SYT9: variants seen among roughly 807,000 people sequenced by gnomAD.
SYT9 encodes the protein synaptotagmin-9.
Under a neutral mutation model 48.4 loss-of-function variants are expected in SYT9, and 22 were observed. That is an observed-to-expected ratio of 0.45 (90% confidence interval 0.32 to 0.65). The LOEUF (loss-of-function observed/expected upper bound fraction) is 0.65, where lower values mean the gene tolerates loss of function less well. Among genes scored for constraint, SYT9 ranks in the 30% least tolerant of loss-of-function variants. The pLI, the probability that SYT9 is intolerant of heterozygous loss-of-function variation, is 0.03. For synonymous variants in SYT9, 265 were observed against 245.0 expected (o/e 1.08, Z -0.76); for missense variants, 577 against 622.0 (o/e 0.93, Z 0.77).
At position 7,385,354 on chromosome 11, in the gene SYT9, G is replaced by T. The variant is rs145169429; in HGVS notation, c.1045-30688G>T. ...TTTTGTTTGCTCTGTGTGTGTGTGT[G>T]TGTGTGTGTGTGTGTGCGTGTGTGT... On this transcript the variant is annotated intron_variant, in intron 3 of 6. Coordinates refer to ENST00000318881, the MANE Select transcript of SYT9 (RefSeq NM_175733.4). Among the ~76,000 whole-genome samples, 25 of 150,264 alleles carry T rather than the reference G, an allele frequency of 1.7e-4. No individual in the cohort carries two copies. The East Asian group carries it at 4.7e-3, about 28-fold the overall frequency.
chr11:7,436,859 C>T (rs1185880677), intron 6 of SYT9, among the ~76,000 whole-genome samples: 4 of 152,184 alleles, frequency 2.6e-5, no homozygotes, highest in African/African-American at 4.8e-5. Flanking sequence ...AATTACAGCT[C>T]AGCCACTTCG....
rs1359676066 is a variant in SYT9, at chr11:7,252,436, G to A, written c.145+105G>A. The stretch of plus-strand genomic sequence containing the variant: ...ACAGCGACGCGGACTGGGAGAGGGC[G>A]GGGGGCGGCCACCGAGCCAGGAGAG... On this transcript the variant is annotated intron_variant, in intron 1 of 6. Coordinates refer to ENST00000318881, the MANE Select transcript of SYT9 (RefSeq NM_175733.4). The surrounding 1 kb of genome is among the most constrained non-coding windows in gnomAD (Gnocchi z 6.3). 1.0e-5 allele frequency: 13 copies of A among 1,245,572 alleles called. No individual in the cohort carries two copies. Among genetic ancestry groups the A allele is most frequent in the Non-Finnish European group, 1.2e-5 (12 of 969,776 alleles). 77.2% of individuals were successfully genotyped at this position (1,245,572 alleles called of 1,614,324 possible). A position where few individuals can be genotyped will look rare whatever the true frequency, so the allele number is the denominator to read the frequency against.
intron 1 of SYT9, among the ~76,000 whole-genome samples, chr11:7,288,819 T>C (rs1453803158): frequency 2.0e-5 from 3 of 152,238 alleles, no homozygotes; most frequent in Non-Finnish European, 4.4e-5. Flanking sequence ...TCTTCCACTC[T>C]TTCAGGTGTG....
chr11:7,357,833 C>T (rs1872899), intron 3 of SYT9, among the ~76,000 whole-genome samples: 89,743 of 151,906 alleles, frequency 0.59, 27,472 homozygotes, highest in East Asian at 0.78. Flanking sequence ...ATTTTAAAAA[C>T]TGCATTGCAT....
chr11:7,450,647 T>C (rs7942332), intron 6 of SYT9, among the ~76,000 whole-genome samples: 24,897 of 152,238 alleles, frequency 0.16, 2,422 homozygotes, highest in African/African-American at 0.25. Flanking sequence ...CAAGCTTATT[T>C]GGGTCCAAAT....
intron 2 of SYT9, among the ~76,000 whole-genome samples, chr11:7,306,945 A>G (rs1849044035): frequency 6.6e-6 from 1 of 152,202 alleles, no homozygotes; most frequent in South Asian, 2.1e-4. Flanking sequence ...TTTTTCCATG[A>G]ATGACTGACA....
chr11:7,278,780 T>C (rs181704091), intron 1 of SYT9, among the ~76,000 whole-genome samples: 495 of 152,202 alleles, frequency 3.3e-3, no homozygotes, highest in Non-Finnish European at 5.1e-3. Context: ...TTCTTACAAG[T>C]GGAGAAGAAG....
chr11:7,336,747 T>C (rs1291626203), intron 3 of SYT9, among the ~76,000 whole-genome samples: 4 of 152,174 alleles, frequency 2.6e-5, no homozygotes, highest in Non-Finnish European at 5.9e-5. Context: ...ACTGTAGCCC[T>C]GTAGTAACAG....
intron 3 of SYT9, among the ~76,000 whole-genome samples, chr11:7,350,922 ACT>A (rs766601588): frequency 2.6e-5 from 4 of 152,160 alleles, no homozygotes; most frequent in Non-Finnish European, 5.9e-5. Context: ...CCCATTGCTC[ACT>A]CTCAACCTAT....
intron 1 of SYT9, among the ~76,000 whole-genome samples, chr11:7,267,091 A>G (rs1394154588): frequency 1.3e-5 from 2 of 152,118 alleles, no homozygotes; most frequent in Non-Finnish European, 2.9e-5. Flanking sequence ...TTAGGTTCAT[A>G]AATAGTACAA....
rs543722426 is a variant in SYT9, at chr11:7,453,054, T to G, written c.1468-13738T>G. ...GCCTCGGCCTCCCAAAGTGCTGGGA[T>G]TACAGGTGTGAGCCACCGCGCCCGG... On this transcript the variant is annotated intron_variant, in intron 6 of 6. Coordinates refer to ENST00000318881, the MANE Select transcript of SYT9 (RefSeq NM_175733.4). Among the ~76,000 whole-genome samples the G allele has an allele frequency of 1.8e-3, 268 of 151,794 alleles. 1 individual carries two copies. The highest frequency in any genetic ancestry group is 6.2e-3 in the African/African-American group (255 of 41,454).
At chr11:7,346,651 A>G (rs1296758993) in intron 3 of SYT9, among the ~76,000 whole-genome samples, 1 of 152,214 alleles carries the variant, frequency 6.6e-6, no homozygotes, top group African/African-American at 2.4e-5. Flanking sequence ...TAGTAACTAC[A>G]AAATCAGTCT....
intron 3 of SYT9, among the ~76,000 whole-genome samples, chr11:7,415,178 GCAGGGCCACCT>G (rs1482134827): frequency 1.3e-5 from 2 of 152,182 alleles, no homozygotes; most frequent in African/African-American, 4.8e-5. Flanking sequence ...AAGGCAGGCA[GCAGGGCCACCT>G]GGGGGTCTGG....
At chr11:7,288,626 AT>A (rs555006487) in intron 1 of SYT9, among the ~76,000 whole-genome samples, 23 of 150,698 alleles carry the variant, frequency 1.5e-4, no homozygotes, top group Admixed American at 7.3e-4. Context: ...AAAATGAGCC[AT>A]TTTTTTTGGC....
At chr11:7,436,175 G>A (rs575411111) in intron 6 of SYT9, among the ~76,000 whole-genome samples, 13 of 152,330 alleles carry the variant, frequency 8.5e-5, no homozygotes, top group African/African-American at 2.9e-4. Flanking sequence ...TCCATGCTAA[G>A]AGAACATTAG....
At chr11:7,302,274 G>A (rs954235563) in intron 1 of SYT9, among the ~76,000 whole-genome samples, 4 of 152,174 alleles carry the variant, frequency 2.6e-5, no homozygotes, top group African/African-American at 7.2e-5. Flanking sequence ...CTCCATAGCA[G>A]GTTTAACCTT....
chr11:7,451,983 G>C (rs995353446), intron 6 of SYT9, among the ~76,000 whole-genome samples: 13 of 151,970 alleles, frequency 8.6e-5, no homozygotes, highest in Non-Finnish European at 1.8e-4. Flanking sequence ...GAGATAGCTA[G>C]AAAATTAGTC....
intron 6 of SYT9, among the ~76,000 whole-genome samples, chr11:7,450,740 G>C (rs1344927071): frequency 3.3e-5 from 5 of 152,118 alleles, no homozygotes; most frequent in African/African-American, 1.2e-4. Context: ...CAACCTACTG[G>C]AATTCCAGTT....
intron 6 of SYT9, chr11:7,428,168 G>T (rs1291483731): frequency 6.6e-6 from 1 of 152,178 alleles, no homozygotes; most frequent in Non-Finnish European, 1.5e-5. Context: ...AGTACTTAGG[G>T]TAAACACTAG....
Sources: gnomAD v4.1 joint callset for allele counts (sites outside exome capture counted in the v4.1 genomes callset) on GRCh38, gnomAD v4.1.1 for gene constraint, Gnocchi (gnomAD v3.1) non-coding constraint, MANE v1.5 for transcripts, NCBI Gene and HGNC (gene_info 2026-07-23, HGNC 2026-07-21) for gene names.